PCYOX1: variants seen among roughly 807,000 people sequenced by gnomAD.
PCYOX1 encodes the protein prenylcysteine oxidase 1.
In PCYOX1, 46 loss-of-function variants were observed where a neutral mutation model predicts 46.4. The ratio of observed to expected loss-of-function variants is 0.99; its 90% CI spans 0.78 to 1.27. The LOEUF (loss-of-function observed/expected upper bound fraction) is 1.27, where lower values mean the gene tolerates loss of function less well. PCYOX1 is among the 50% of genes most tolerant of loss of function. The pLI is 0.00. For missense variants in PCYOX1, 658 were observed against 628.3 expected (o/e 1.05, Z -0.51); for synonymous variants, 220 against 231.8 (o/e 0.95, Z 0.46).
intron 3 of PCYOX1, among the ~76,000 whole-genome samples, chr2:70,273,049 T>C (rs1439116450): frequency 6.6e-6 from 1 of 152,158 alleles, no homozygotes; most frequent in Non-Finnish European, 1.5e-5. Flanking sequence ...TAGAGTGCTC[T>C]CTGTTTATAT....
intron 3 of PCYOX1, among the ~76,000 whole-genome samples, 195 bp downstream of exon 3, chr2:70,261,581 T>C (rs1228481303): frequency 6.6e-6 from 1 of 152,224 alleles, no homozygotes; most frequent in Non-Finnish European, 1.5e-5. Context: ...TGGTTTATTT[T>C]TGCTTCTGAA....
intron 3 of PCYOX1, among the ~76,000 whole-genome samples, chr2:70,267,790 G>A (rs1696548965): frequency 6.6e-6 from 1 of 151,238 alleles, no homozygotes; most frequent in Non-Finnish European, 1.5e-5. Flanking sequence ...AGAGGGAGAG[G>A]GGGAGGGGGA....
chr2:70,264,193 G>A (rs965774864), intron 3 of PCYOX1, among the ~76,000 whole-genome samples: 1 of 151,584 alleles, frequency 6.6e-6, no homozygotes, highest in African/African-American at 2.4e-5. Context: ...TTGAATTCCT[G>A]GGCTCGAGTG....
At chr2:70,275,896 C>G (rs893970373) in intron 5 of PCYOX1, among the ~76,000 whole-genome samples, 7 of 151,944 alleles carry the variant, frequency 4.6e-5, no homozygotes, top group Non-Finnish European at 8.8e-5. Flanking sequence ...GTCAGGAGAT[C>G]AAGACTAGCC....
intron 3 of PCYOX1, among the ~76,000 whole-genome samples, chr2:70,265,283 G>C (rs1696498039): frequency 1.4e-5 from 2 of 148,030 alleles, no homozygotes; most frequent in Non-Finnish European, 3.0e-5. Flanking sequence ...GCTCACTGCA[G>C]CTTTGACCTC....
Position 70,277,692 on chromosome 2 carries a change from A to G in PCYOX1, c.*300A>G, listed in dbSNP as rs954241343. 1 of 258,702 alleles carries G rather than the reference A, an allele frequency of 3.9e-6. No individual in the cohort carries two copies. Among genetic ancestry groups the G allele is most frequent in the East Asian group, 8.0e-5 (1 of 12,576 alleles). 16.0% of individuals were successfully genotyped at this position (258,702 alleles called of 1,614,324 possible). A position where few individuals can be genotyped will look rare whatever the true frequency, so the allele number is the denominator to read the frequency against. On this transcript the variant is annotated 3_prime_UTR_variant, in exon 6 of 6. Coordinates refer to ENST00000433351, the MANE Select transcript of PCYOX1 (RefSeq NM_016297.4). ...TAGGAGGTGGTGGTTGCAGTGAGCC[A>G]ATCTCACCATTGCACTTCAGCCTGA...
chr2:70,258,601 C>G (rs1201052610), intron 1 of PCYOX1: 4 of 263,128 alleles, frequency 1.5e-5, no homozygotes, highest in African/African-American at 2.3e-5. Flanking sequence ...CTAGGTTTCT[C>G]TATCTTCCCG....
chr2:70,267,874 C>T (rs1696550210), intron 3 of PCYOX1, among the ~76,000 whole-genome samples: 1 of 152,072 alleles, frequency 6.6e-6, no homozygotes, highest in Non-Finnish European at 1.5e-5. Flanking sequence ...TGCAGTGGCA[C>T]AATCTTGGCT....
At chr2:70,271,697 G>A (rs889062894) in intron 3 of PCYOX1, among the ~76,000 whole-genome samples, 4 of 151,824 alleles carry the variant, frequency 2.6e-5, no homozygotes, top group African/African-American at 4.8e-5. Flanking sequence ...AAACCCCACC[G>A]TATCCAATGT....
intron 5 of PCYOX1, among the ~76,000 whole-genome samples, chr2:70,276,027 G>C (rs975250132): frequency 6.7e-6 from 1 of 149,778 alleles, no homozygotes; most frequent in Non-Finnish European, 1.5e-5. Context: ...ATGAACCCAG[G>C]GGGCAGAGGT....
rs150323698 is a variant in PCYOX1, at chr2:70,277,946, T to A, written c.*554T>A. ...TCCTTTTGAATTTTACAGCTAGATA[T>A]AATCTTCAGTCAGATAAAATTTATG... On this transcript the variant is annotated 3_prime_UTR_variant, in exon 6 of 6. Transcript: ENST00000433351. The A allele has an allele frequency of 1.3e-5, 2 of 152,344 alleles. No individual in the cohort carries two copies. The highest frequency in any genetic ancestry group is 1.9e-4 in the East Asian group (1 of 5,192). The allele number at this position is 152,344 out of a possible 1,614,324, so 9.4% of individuals were successfully genotyped here. A position where few individuals can be genotyped will look rare whatever the true frequency, so the allele number is the denominator to read the frequency against.
intron 4 of PCYOX1, 28 bp downstream of exon 4, chr2:70,275,198 A>G (rs1361532598): frequency 1.3e-6 from 2 of 1,537,364 alleles, no homozygotes; most frequent in Non-Finnish European, 1.8e-6. Flanking sequence ...ACAGTGGTGG[A>G]CATTAGTTCA....
chr2:70,261,941 A>C (rs986312678), intron 3 of PCYOX1, among the ~76,000 whole-genome samples: 5 of 152,180 alleles, frequency 3.3e-5, no homozygotes, highest in African/African-American at 1.2e-4. Context: ...AAGTAGAGTA[A>C]AAGTTCCATA....
At chr2:70,258,007 G>C (rs1447912648), upstream of PCYOX1, 10 of 513,848 alleles carry the variant, frequency 1.9e-5, no homozygotes, top group Non-Finnish European at 3.3e-5. Flanking sequence ...GCAGGGTTGA[G>C]AGGACCGGCG....
Position 70,258,140 on chromosome 2 carries a change from G to A in PCYOX1, c.-25G>A, listed in dbSNP as rs369326904. 8.1e-5 allele frequency: 127 copies of A among 1,559,692 alleles called. No homozygotes were observed. Among genetic ancestry groups the A allele is most frequent in the Non-Finnish European group, 1.1e-4 (126 of 1,152,696 alleles). On this transcript the variant is annotated 5_prime_UTR_variant, in exon 1 of 6. Coordinates refer to ENST00000433351, the MANE Select transcript of PCYOX1 (RefSeq NM_016297.4). ...GTGGGAGGACTGCGGGGCTCTTGAG[G>A]CCAGCTGCAGAGCTTGTGGAGGCCA...
At chr2:70,268,940 G>T (rs966983227) in intron 3 of PCYOX1, among the ~76,000 whole-genome samples, 5 of 152,092 alleles carry the variant, frequency 3.3e-5, no homozygotes, top group Non-Finnish European at 7.3e-5. Flanking sequence ...TTGGCCTACA[G>T]AACTATAAGA....
chr2:70,259,309 A>G, intron 1 of PCYOX1, 51 bp from the exon 2 acceptor site: 1 of 1,515,378 alleles, frequency 6.6e-7, no homozygotes, highest in African/African-American at 1.4e-5. Context: ...AAAACAACTC[A>G]CAGAGCTGGT....
chr2:70,267,793 G>A (rs932598503), intron 3 of PCYOX1, among the ~76,000 whole-genome samples: 1 of 151,200 alleles, frequency 6.6e-6, no homozygotes, highest in Non-Finnish European at 1.5e-5. Flanking sequence ...GGGAGAGGGG[G>A]AGGGGGAGGG....
intron 3 of PCYOX1, among the ~76,000 whole-genome samples, chr2:70,265,164 T>C (rs1246337536): frequency 2.6e-5 from 4 of 151,922 alleles, no homozygotes; most frequent in African/African-American, 7.2e-5. Flanking sequence ...CATACATTTA[T>C]GTAGTTGTTC....
Sources: allele counts gnomAD v4.1 joint callset (sites outside exome capture counted in the v4.1 genomes callset), GRCh38; gene constraint gnomAD v4.1.1; transcripts MANE v1.5; gene names NCBI Gene and HGNC (gene_info 2026-07-23, HGNC 2026-07-21).